Variants in NOL7 observed in about 807,000 individuals in gnomAD.
The protein encoded by NOL7 is U3 small nucleolar RNA-associated protein NOL7.
In NOL7, 36 loss-of-function variants were observed where a neutral mutation model predicts 38.4. The observed-to-expected ratio is 0.94, with a 90% CI of 0.72 to 1.24. NOL7 has a LOEUF of 1.24. Ranked by LOEUF, NOL7 falls within the 50% of genes most tolerant of loss-of-function variation. The probability of loss-of-function intolerance (pLI) is 0.00; values close to 1 mark genes in which losing one functional copy is unlikely to be tolerated. For synonymous variants in NOL7, 142 were observed against 126.5 expected, an observed-to-expected ratio of 1.12 and a Z score of -0.82; for missense variants, 350 against 315.1, an observed-to-expected ratio of 1.11 and a Z score of -0.84.
chr6:13,624,311 G>A (rs1045845104), downstream of NOL7, among the ~76,000 whole-genome samples: 7 of 152,042 alleles, frequency 4.6e-5, no homozygotes, highest in African/African-American at 1.7e-4. Flanking sequence ...AAGAGTCCTG[G>A]CCCTCATTGC....
Position 13,615,581 on chromosome 6 carries a change from G to A in NOL7, c.223G>A (p.Glu75Lys), listed in dbSNP as rs1275618928. The A allele has an allele frequency of 1.3e-6, 2 of 1,576,460 alleles. No individual in the cohort carries two copies. The highest frequency in any genetic ancestry group is 1.3e-5 in the African/African-American group (1 of 74,196). ...GCTGACTTTCGCCAGCGCCCAGGCG[G>A]AAGCGAGAGAAGAGGAGCGGCGAGT... The part of the protein sequence containing the change: ...EELTFASAQA[E>K]AREEERRVRE... Residue 75 changes from glutamate to lysine, a missense_variant, in exon 1 of 8, where the codon GAA becomes AAA. Coordinates refer to ENST00000451315, the MANE Select transcript of NOL7 (RefSeq NM_016167.5).
At chr6:13,631,726 A>T (rs1764787775) in intron 8 of NOL7, among the ~76,000 whole-genome samples, 1 of 152,242 alleles carries the variant, frequency 6.6e-6, no homozygotes, top group East Asian at 1.9e-4. Context: ...ACATCTCTAC[A>T]ACTGCAATGC....
downstream of NOL7, chr6:13,622,640 A>G (rs1331324815): frequency 2.4e-6 from 2 of 824,882 alleles, no homozygotes; most frequent in East Asian, 3.0e-5. Flanking sequence ...TAAGCAAAAG[A>G]CAGATGCCGC....
chr6:13,622,445 G>C, downstream of NOL7: 2 of 1,601,434 alleles, frequency 1.2e-6, no homozygotes, highest in East Asian at 4.5e-5. Flanking sequence ...TGTGTGGCCT[G>C]TCCCATTGCT....
downstream of NOL7, among the ~76,000 whole-genome samples, chr6:13,625,183 C>A (rs534591590): frequency 6.6e-6 from 1 of 152,158 alleles, no homozygotes; most frequent in African/African-American, 2.4e-5. Context: ...AATTATTAAT[C>A]TATGTTCTTA....
chr6:13,616,335 C>T (rs1764287094), intron 2 of NOL7, 128 bp from the exon 3 acceptor site: 8 of 596,160 alleles, frequency 1.3e-5, no homozygotes, highest in African/African-American at 1.9e-5. Flanking sequence ...GGTATGGGGG[C>T]AGTTTCCAGC....
chr6:13,630,536 CTT>C (rs1764749301), intron 8 of NOL7, among the ~76,000 whole-genome samples: 2 of 148,918 alleles, frequency 1.3e-5, no homozygotes, highest in South Asian at 2.1e-4. Context: ...AAAAAAAATT[CTT>C]TATTTCCAAA....
In NOL7 at chr6:13,629,874, ATC is replaced by A. The variant is rs370810603; in HGVS notation, n.574-2508_574-2507del. Among the ~76,000 whole-genome samples the A allele has an allele frequency of 4.7e-3, 652 of 137,730 alleles. 12 individuals are homozygous for A. Among genetic ancestry groups the A allele is most frequent in the African/African-American group, 0.016 (603 of 37,074 alleles). The allele number at this position is 137,730 out of a possible 152,430, so 90.4% of individuals were successfully genotyped here. The stretch of plus-strand genomic sequence containing the variant: ...CCTTCAACATTAATCAAATCTCTCA[ATC>A]TCTCTCTCTCATGTCTCTGTCTCTC... On this transcript the variant is annotated intron_variant and non_coding_transcript_variant, in intron 8 of 8. Transcript: ENST00000474485.
intron 8 of NOL7, among the ~76,000 whole-genome samples, chr6:13,627,642 A>AAAAAAAAAAAAAT (rs1764651083): frequency 6.6e-6 from 1 of 151,764 alleles, no homozygotes; most frequent in South Asian, 2.1e-4. Context: ...AAAAAAAAAA[A>AAAAAAAAAAAAAT]AAAAAAAAAA....
chr6:13,618,602 A>G (rs946284611), intron 5 of NOL7, among the ~76,000 whole-genome samples: 69 of 151,974 alleles, frequency 4.5e-4, no homozygotes, highest in African/African-American at 1.5e-3. Context: ...GGAAAAACCA[A>G]TTTTGGGCCG....
At chr6:13,627,957 T>C (rs899591636) in intron 8 of NOL7, among the ~76,000 whole-genome samples, 1 of 152,220 alleles carries the variant, frequency 6.6e-6, no homozygotes, top group South Asian at 2.1e-4. Context: ...CCTGCACATG[T>C]ACCCTGGAAC....
chr6:13,617,611 G>A (rs961906533), intron 3 of NOL7, among the ~76,000 whole-genome samples, 159 bp from the exon 4 acceptor site: 3 of 152,204 alleles, frequency 2.0e-5, no homozygotes, highest in African/African-American at 7.2e-5. Context: ...ACTAGGGAGT[G>A]ACTATTGCTT....
chr6:13,626,808 C>A (rs11757653), intron 8 of NOL7, among the ~76,000 whole-genome samples: 380 of 152,308 alleles, frequency 2.5e-3, no homozygotes, highest in Non-Finnish European at 4.4e-3. Context: ...ATTCCACACC[C>A]ATTTTCCATC....
chr6:13,618,030 A>T (rs368449251), intron 4 of NOL7, 28 bp from the exon 5 acceptor site: 1 of 1,267,766 alleles, frequency 7.9e-7, no homozygotes, highest in African/African-American at 1.5e-5. Flanking sequence ...CGTGAATGCT[A>T]ATTAGAAAAT....
downstream of NOL7, among the ~76,000 whole-genome samples, chr6:13,622,920 T>G (rs1325605352): frequency 6.6e-6 from 1 of 152,130 alleles, no homozygotes; most frequent in Admixed American, 6.5e-5. Context: ...CTTCCACCTC[T>G]GTGGATAGGA....
rs1306725625 is a variant in NOL7 at position 13,616,506 on chromosome 6, C to T, written c.371C>T (p.Thr124Ile). The T allele has an allele frequency of 2.5e-6, 4 of 1,607,532 alleles. No homozygotes were observed. The highest frequency in any genetic ancestry group is 3.4e-6 in the Non-Finnish European group (4 of 1,176,548). ...LPDTILEKLT[T>I]ASQTNIKKSP... ...GACACTATTTTGGAGAAGTTAACCA[C>T]AGCTTCACAGACTAAGTAAGTAATG... Residue 124 changes from threonine (T) to isoleucine (I), a missense_variant, in exon 3 of 8, where the codon ACA becomes ATA. Coordinates refer to ENST00000451315, the MANE Select transcript of NOL7 (RefSeq NM_016167.5).
At chr6:13,630,516 C>CT (rs1764748509) in intron 8 of NOL7, among the ~76,000 whole-genome samples, 1 of 106,894 alleles carries the variant, frequency 9.4e-6, no homozygotes, top group Non-Finnish European at 2.1e-5. Flanking sequence ...CTTAAGAATT[C>CT]TTAAAAAAAA....
intron 3 of NOL7, 105 bp from the exon 4 acceptor site, chr6:13,617,665 T>C (rs1764326978): frequency 3.0e-6 from 3 of 1,014,474 alleles, no homozygotes; most frequent in Non-Finnish European, 4.5e-6. Flanking sequence ...AGGGTGTTGG[T>C]AATGAAAGGG....
chr6:13,615,830 A>G (rs1475230906), intron 2 of NOL7, 58 bp downstream of exon 2: 22 of 1,516,800 alleles, frequency 1.5e-5, no homozygotes, highest in African/African-American at 2.8e-5. Context: ...GAGAATTCCT[A>G]TGGTGGATGT....
Sources: gnomAD v4.1 joint callset for allele counts (sites outside exome capture counted in the v4.1 genomes callset) on GRCh38, gnomAD v4.1.1 for gene constraint, MANE v1.5 for transcripts, NCBI Gene and HGNC (gene_info 2026-07-23, HGNC 2026-07-21) for gene names.